Variants in ARHGEF10 observed in about 807,000 individuals in gnomAD.
ARHGEF10 encodes Rho guanine nucleotide exchange factor 10, also known as Rho guanine nucleotide exchange factor (GEF) 10.
Under a neutral mutation model 147.4 loss-of-function variants are expected in ARHGEF10, and 140 were observed. The observed-to-expected ratio is 0.95, with a 90% CI of 0.83 to 1.09. ARHGEF10 has a LOEUF of 1.09. ARHGEF10 is among the 50% of genes least tolerant of loss of function. ARHGEF10 has a pLI of 0.00. For missense variants in ARHGEF10, 2,222 were observed against 1,752.7 expected (o/e 1.27, Z -4.78); for synonymous variants, 902 against 695.8 (o/e 1.30, Z -4.67).
At chr8:1,829,483 A>G (rs1802962149) in intron 1 of ARHGEF10, among the ~76,000 whole-genome samples, 1 of 151,952 alleles carries the variant, frequency 6.6e-6, no homozygotes, top group Admixed American at 6.6e-5. Context: ...AAGAAAGTCG[A>G]CTCATGCTTT....
At chr8:1,911,404 TG>T (rs1030595686) in intron 18 of ARHGEF10, among the ~76,000 whole-genome samples, 1 of 152,244 alleles carries the variant, frequency 6.6e-6, no homozygotes, top group African/African-American at 2.4e-5. Context: ...ATGATAAACT[TG>T]TTTTGCCATC....
chr8:1,868,862 CAT>C (rs1263271156), intron 6 of ARHGEF10, among the ~76,000 whole-genome samples: 2 of 152,100 alleles, frequency 1.3e-5, no homozygotes, highest in African/African-American at 2.4e-5. Flanking sequence ...AACACAAAAT[CAT>C]AGAATAAGTT....
At chr8:1,923,128 C>T in intron 19 of ARHGEF10, 49 bp downstream of exon 19, 2 of 1,324,028 alleles carry the variant, frequency 1.5e-6, no homozygotes, top group Non-Finnish European at 1.1e-6. Context: ...ACTTATAAGT[C>T]ATTGTAAGTA....
chr8:1,908,841 G>T (rs1262524704), intron 17 of ARHGEF10, among the ~76,000 whole-genome samples: 3 of 152,164 alleles, frequency 2.0e-5, no homozygotes, highest in Non-Finnish European at 4.4e-5. Context: ...TTTAGTCATG[G>T]AGTGTAATGG....
At chr8:1,846,574 A>T (rs1163556756) in intron 2 of ARHGEF10, among the ~76,000 whole-genome samples, 2 of 152,164 alleles carry the variant, frequency 1.3e-5, no homozygotes, top group African/African-American at 4.8e-5. Flanking sequence ...CATTGAATAT[A>T]AATTTTTAAC....
At chr8:1,945,824 A>G in intron 27 of ARHGEF10, 169 bp downstream of exon 27, 1 of 1,050,286 alleles carries the variant, frequency 9.5e-7, no homozygotes, top group South Asian at 1.4e-5. Context: ...GGGAGTACGG[A>G]GCATGGTCAG....
At chr8:1,907,624 G>C (rs543077894) in intron 17 of ARHGEF10, among the ~76,000 whole-genome samples, 1 of 152,190 alleles carries the variant, frequency 6.6e-6, no homozygotes, top group African/African-American at 2.4e-5. Context: ...GCTGCCAGAC[G>C]TGGTGTACTT....
chr8:1,893,786 T>A (rs1328362348), intron 12 of ARHGEF10, 140 bp downstream of exon 12: 1 of 671,570 alleles, frequency 1.5e-6, no homozygotes, highest in African/African-American at 1.8e-5. Context: ...AGGATCTAAG[T>A]ATTATGTCTG....
chr8:1,868,843 G>A (rs1229011984), intron 6 of ARHGEF10, among the ~76,000 whole-genome samples: 3 of 152,124 alleles, frequency 2.0e-5, no homozygotes, highest in Admixed American at 6.6e-5. Context: ...ATATAGAAGT[G>A]TGTAATTGAA....
Position 1,882,792 on chromosome 8 carries a change from G to T in ARHGEF10, c.1075+43G>T, listed in dbSNP as rs757352435. 5.2e-4 allele frequency: 647 copies of T among 1,255,190 alleles called. 4 individuals are homozygous for T. The African/African-American group carries it at 0.016, about 31-fold the overall frequency. 77.8% of individuals were successfully genotyped at this position (1,255,190 alleles called of 1,614,324 possible). On this transcript the variant is annotated intron_variant, in intron 10 of 28. Coordinates refer to ENST00000349830, the MANE Select transcript of ARHGEF10 (RefSeq NM_014629.4). ...TTCTTGCGGGGAGGACACGGGGTTG[G>T]GGGGGGCGGCCACATCTTGTGGGGA...
intron 11 of ARHGEF10, among the ~76,000 whole-genome samples, chr8:1,890,038 C>G (rs1809330168): frequency 6.9e-6 from 1 of 144,458 alleles, no homozygotes; most frequent in Non-Finnish European, 1.5e-5. Flanking sequence ...TATTGAGACA[C>G]TGAGTGGGGT....
At chr8:1,919,933 A>C (rs372547240) in intron 18 of ARHGEF10, among the ~76,000 whole-genome samples, 1 of 34,146 alleles carries the variant, frequency 2.9e-5, no homozygotes, top group African/African-American at 9.5e-5. Flanking sequence ...GAGCTGTTCT[A>C]TGGGTGATGG....
At chr8:1,842,690 A>G (rs1191562199) in intron 1 of ARHGEF10, among the ~76,000 whole-genome samples, 1 of 152,236 alleles carries the variant, frequency 6.6e-6, no homozygotes, top group Admixed American at 6.5e-5. Context: ...GGCGGGAGCC[A>G]GGCCCGTGTT....
At chr8:1,914,035 C>G (rs1184990678) in intron 18 of ARHGEF10, among the ~76,000 whole-genome samples, 1 of 152,216 alleles carries the variant, frequency 6.6e-6, no homozygotes, top group East Asian at 1.9e-4. Context: ...GTACCTCCCC[C>G]ACAAAATTCA....
chr8:1,899,533 T>G (rs75458284), intron 15 of ARHGEF10, among the ~76,000 whole-genome samples: 69 of 152,306 alleles, frequency 4.5e-4, no homozygotes, highest in African/African-American at 1.6e-3. Context: ...CCATGGCACA[T>G]TCTTTTTAAA....
rs763196756 is a variant in ARHGEF10 at position 1,956,828 on chromosome 8, C to T, written c.3600C>T (p.Asp1200=). 2 of 1,614,100 alleles carry T rather than the reference C, an allele frequency of 1.2e-6. No homozygotes were observed. The highest frequency in any genetic ancestry group is 2.2e-5 in the South Asian group (2 of 91,080). ...TGGCCACGGCTCTGCACGAGAAAGA[C>T]AAGGACAAATCCAGGGACAGCCTGG... ...IVLATALHEK[D]KDKSRDSLAP... The change falls in exon 29 of 29, where the codon GAC becomes GAT. Residue 1200 remains aspartate, a synonymous_variant. Coordinates refer to ENST00000349830, the MANE Select transcript of ARHGEF10 (RefSeq NM_014629.4).
Position 1,957,450 on chromosome 8 carries a change from C to T in ARHGEF10, c.*187C>T. 1.2e-6 allele frequency: 1 copy of T among 823,168 alleles called. No individual in the cohort carries two copies. The highest frequency in any genetic ancestry group is 1.9e-6 in the Non-Finnish European group (1 of 538,062). 51.0% of individuals were successfully genotyped at this position (823,168 alleles called of 1,614,324 possible). On this transcript the variant is annotated 3_prime_UTR_variant, in exon 29 of 29. Transcript: ENST00000349830. ...AATTCCTTCCTTCTCTTCTGTACAGCAGAAGTAATTACAAGCACTTCTCAC... is the reference window on the plus strand; with the variant it reads ...AATTCCTTCCTTCTCTTCTGTACAGTAGAAGTAATTACAAGCACTTCTCAC...
chr8:1,955,728 A>G (rs1323168871), intron 28 of ARHGEF10, among the ~76,000 whole-genome samples: 1 of 152,240 alleles, frequency 6.6e-6, no homozygotes, highest in Non-Finnish European at 1.5e-5. Context: ...GATGGTAGCT[A>G]GGTGCTACCC....
At position 1,912,151 on chromosome 8, in the gene ARHGEF10, C is replaced by G. The variant is rs556491274; in HGVS notation, c.2143+2681C>G. Among the ~76,000 whole-genome samples the G allele has an allele frequency of 5.9e-5, 9 of 152,312 alleles. 1 individual carries two copies. The South Asian group carries it at 1.9e-3, about 32-fold the overall frequency. Reference sequence around the variant, plus strand: ...CAGTGAGCAGCTGCAGCAGGGAGCTCCCTGTCCCTGCAAAAGCGCCGTGTC... The same window carrying G: ...CAGTGAGCAGCTGCAGCAGGGAGCTGCCTGTCCCTGCAAAAGCGCCGTGTC... On this transcript the variant is annotated intron_variant, in intron 18 of 28. Coordinates refer to ENST00000349830, the MANE Select transcript of ARHGEF10 (RefSeq NM_014629.4).
Sources: gnomAD v4.1 joint callset for allele counts (sites outside exome capture counted in the v4.1 genomes callset) on GRCh38, gnomAD v4.1.1 for gene constraint, MANE v1.5 for transcripts, NCBI Gene and HGNC (gene_info 2026-07-23, HGNC 2026-07-21) for gene names.